The following HTR1F variants were observed in gnomAD, a reference collection of about 807,000 sequenced individuals.
The protein encoded by HTR1F is 5-hydroxytryptamine receptor 1F.
Under a neutral mutation model 24.0 loss-of-function variants are expected in HTR1F, and 17 were observed. That is an observed-to-expected ratio of 0.71 (90% CI 0.48 to 1.06). The LOEUF is 1.06. HTR1F is among the 50% of genes least tolerant of loss of function. The probability of loss-of-function intolerance (pLI) is 0.00; values close to 1 mark genes in which losing one functional copy is unlikely to be tolerated. For synonymous variants in HTR1F, 186 were observed against 156.8 expected (o/e 1.19, Z -1.39); for missense variants, 391 against 427.8 (o/e 0.91, Z 0.76).
intron 2 of HTR1F, among the ~76,000 whole-genome samples, chr3:87,933,986 C>T (rs1448889256): frequency 6.6e-6 from 1 of 152,150 alleles, no homozygotes; most frequent in Non-Finnish European, 1.5e-5. Flanking sequence ...CCTTAAATTT[C>T]TATTGGTCAG....
chr3:87,845,295 A>C (rs1399218970), intron 2 of HTR1F, among the ~76,000 whole-genome samples: 25 of 151,788 alleles, frequency 1.6e-4, no homozygotes, highest in Non-Finnish European at 7.4e-5. Flanking sequence ...GTCAAATTGT[A>C]CCTGTTTGCA....
chr3:87,807,162 A>G (rs1398145916), intron 1 of HTR1F, among the ~76,000 whole-genome samples: 1 of 152,054 alleles, frequency 6.6e-6, no homozygotes, highest in African/African-American at 2.4e-5. Flanking sequence ...ATTTCTGTAA[A>G]AAATCTCATT....
intron 1 of HTR1F, among the ~76,000 whole-genome samples, chr3:87,796,361 T>A (rs1021305025): frequency 1.3e-5 from 2 of 152,070 alleles, no homozygotes; most frequent in African/African-American, 2.4e-5. Context: ...TTGAGCAGCT[T>A]ACTAGATATC....
At chr3:87,945,831 G>A (rs747039056) in intron 2 of HTR1F, among the ~76,000 whole-genome samples, 5 of 152,002 alleles carry the variant, frequency 3.3e-5, no homozygotes, top group Non-Finnish European at 7.3e-5. Context: ...CGGCTTTAGA[G>A]GTCCCTTCTT....
At chr3:87,820,835 T>C (rs1304788342) in intron 1 of HTR1F, among the ~76,000 whole-genome samples, 1 of 152,112 alleles carries the variant, frequency 6.6e-6, no homozygotes, top group Non-Finnish European at 1.5e-5. Flanking sequence ...ATAACCTTAT[T>C]TATGTTTTGT....
chr3:87,964,020 T>G (rs1705114775), intron 2 of HTR1F, among the ~76,000 whole-genome samples: 2 of 152,102 alleles, frequency 1.3e-5, no homozygotes, highest in Non-Finnish European at 2.9e-5. Context: ...CAGCTTTCCT[T>G]GCATTCCTTG....
chr3:87,949,967 T>A (rs1216363406), intron 2 of HTR1F, among the ~76,000 whole-genome samples: 3 of 152,178 alleles, frequency 2.0e-5, no homozygotes, highest in Non-Finnish European at 2.9e-5. Context: ...TGGGCTGGTA[T>A]CTGCTCAGCT....
intron 2 of HTR1F, among the ~76,000 whole-genome samples, chr3:87,899,492 T>C (rs1236517141): frequency 6.6e-6 from 1 of 152,218 alleles, no homozygotes; most frequent in East Asian, 1.9e-4. Flanking sequence ...ATTAAAGCTC[T>C]GTAGGAAAGC....
At position 87,915,737 on chromosome 3, in the gene HTR1F, G is replaced by T. The variant is rs138107450; in HGVS notation, c.-42-74971G>T. ...AAACAATCAAACCTAAGAATAATTG[G>T]TGTTCCTGAGGAAGAAGAGAAATCT... On this transcript the variant is annotated intron_variant, in intron 2 of 2. Transcript: ENST00000319595. Among the ~76,000 whole-genome samples, 630 of 152,256 alleles carry T rather than the reference G, an allele frequency of 4.1e-3. 5 individuals are homozygous for T. Among genetic ancestry groups the T allele is most frequent in the Non-Finnish European group, 7.1e-3 (481 of 67,998 alleles).
At chr3:87,885,634 G>A (rs190901348) in intron 2 of HTR1F, among the ~76,000 whole-genome samples, 51 of 151,546 alleles carry the variant, frequency 3.4e-4, no homozygotes, top group East Asian at 5.8e-4. Flanking sequence ...TCAAATAGAC[G>A]CAATAAAAAA....
intron 1 of HTR1F, among the ~76,000 whole-genome samples, chr3:87,803,409 C>T (rs1311328311): frequency 6.6e-6 from 1 of 152,094 alleles, no homozygotes; most frequent in Non-Finnish European, 1.5e-5. Flanking sequence ...TGCAACATCT[C>T]ATTGAACATC....
chr3:87,844,926 G>A (rs1704903944), intron 2 of HTR1F, among the ~76,000 whole-genome samples: 1 of 151,696 alleles, frequency 6.6e-6, no homozygotes, highest in Non-Finnish European at 1.5e-5. Context: ...TGCTGTTTTG[G>A]TTACTGTAGC....
At chr3:87,978,922 AAGGAAG>A (rs1460716843) in intron 2 of HTR1F, among the ~76,000 whole-genome samples, 10 of 107,774 alleles carry the variant, frequency 9.3e-5, no homozygotes, top group Admixed American at 3.8e-4. Flanking sequence ...GGAAGGAAGG[AAGGAAG>A]GAAGGAAAAG....
intron 2 of HTR1F, among the ~76,000 whole-genome samples, chr3:87,974,835 A>G (rs901883401): frequency 2.0e-5 from 3 of 152,164 alleles, no homozygotes; most frequent in African/African-American, 7.2e-5. Flanking sequence ...GTATTGCTTA[A>G]TAAACATTGA....
intron 2 of HTR1F, among the ~76,000 whole-genome samples, chr3:87,939,703 G>A (rs1467995325): frequency 6.6e-6 from 1 of 152,048 alleles, no homozygotes. Flanking sequence ...TGGGATCAGT[G>A]GTCATATCCC....
intron 2 of HTR1F, among the ~76,000 whole-genome samples, chr3:87,952,858 CT>C (rs1704864234): frequency 6.8e-6 from 1 of 146,012 alleles, no homozygotes; most frequent in African/African-American, 2.6e-5. Context: ...GTTTTTTTTT[CT>C]CACGCTAATT....
intron 2 of HTR1F, among the ~76,000 whole-genome samples, chr3:87,947,360 T>G (rs1333812731): frequency 6.8e-6 from 1 of 147,238 alleles, no homozygotes; most frequent in Admixed American, 6.7e-5. Flanking sequence ...AATACTAGAA[T>G]AGTTCTCTCT....
intron 1 of HTR1F, among the ~76,000 whole-genome samples, chr3:87,794,867 A>G (rs1398609896): frequency 6.6e-6 from 1 of 152,128 alleles, no homozygotes; most frequent in Non-Finnish European, 1.5e-5. Context: ...GTTCTTATAA[A>G]GACTACTATA....
At chr3:87,882,851 A>G (rs1705837985) in intron 2 of HTR1F, among the ~76,000 whole-genome samples, 2 of 152,120 alleles carry the variant, frequency 1.3e-5, no homozygotes, top group African/African-American at 4.8e-5. Context: ...AACTTAAAGT[A>G]TAATAATAAA....
Sources: allele counts gnomAD v4.1 joint callset (sites outside exome capture counted in the v4.1 genomes callset), GRCh38; gene constraint gnomAD v4.1.1; transcripts MANE v1.5; gene names NCBI Gene and HGNC (gene_info 2026-07-23, HGNC 2026-07-21).